The following CREB5 variants were observed in gnomAD, a reference collection of about 807,000 sequenced individuals.
CREB5 encodes the protein cAMP responsive element binding protein 5, also known as cyclic AMP-responsive element-binding protein 5.
Under a neutral mutation model 57.1 loss-of-function variants are expected in CREB5, and 19 were observed. The observed-to-expected ratio is 0.33, with a 90% confidence interval of 0.23 to 0.49. CREB5 has a LOEUF of 0.49. Ranked by LOEUF, CREB5 falls within the 20% of genes least tolerant of loss-of-function variation. The pLI, the probability that CREB5 is intolerant of heterozygous loss-of-function variation, is 0.99. For missense variants in CREB5, 579 were observed against 671.6 expected, an observed-to-expected ratio of 0.86 and a Z score of 1.52; for synonymous variants, 238 against 238.3, an observed-to-expected ratio of 1.00 and a Z score of 0.01.
chr7:28,626,867 C>A (rs1798013656), intron 5 of CREB5, among the ~76,000 whole-genome samples: 1 of 152,110 alleles, frequency 6.6e-6, no homozygotes, highest in Admixed American at 6.5e-5. Context: ...GGGAAAGGGG[C>A]CCCAGGACGG....
At chr7:28,370,276 C>G (rs1203113676) in intron 1 of CREB5, among the ~76,000 whole-genome samples, 2 of 152,210 alleles carry the variant, frequency 1.3e-5, no homozygotes, top group African/African-American at 4.8e-5. Flanking sequence ...GCCTCTACCA[C>G]TCACTGCTGA....
At chr7:28,464,515 G>A (rs1790479294) in intron 1 of CREB5, among the ~76,000 whole-genome samples, 1 of 151,484 alleles carries the variant, frequency 6.6e-6, no homozygotes, top group Non-Finnish European at 1.5e-5. Flanking sequence ...GTGTGTGTGT[G>A]TGTGTGTGTG....
intron 4 of CREB5, among the ~76,000 whole-genome samples, chr7:28,563,888 C>T (rs1467701759): frequency 1.3e-5 from 2 of 152,030 alleles, no homozygotes; most frequent in Non-Finnish European, 2.9e-5. Flanking sequence ...TCCCTGGTGC[C>T]CTCCTCTACT....
chr7:28,553,587 C>T (rs368335216), intron 4 of CREB5, among the ~76,000 whole-genome samples: 52 of 152,278 alleles, frequency 3.4e-4, no homozygotes, highest in African/African-American at 1.2e-3. Context: ...AGAGGCAGTC[C>T]TGTTTTCCTG....
intron 1 of CREB5, among the ~76,000 whole-genome samples, chr7:28,363,299 A>G (rs1205063272): frequency 2.0e-5 from 3 of 152,222 alleles, no homozygotes; most frequent in African/African-American, 7.2e-5. Flanking sequence ...AGGCAAGCAC[A>G]TAATTTTCCT....
At chr7:28,764,294 T>C (rs28531809) in intron 7 of CREB5, among the ~76,000 whole-genome samples, 64,606 of 151,318 alleles carry the variant, frequency 0.43, 14,280 homozygotes, top group East Asian at 0.77. Flanking sequence ...ATTAACATTA[T>C]AACAAGTTAT....
At chr7:28,511,152 G>A (rs981141949) in intron 4 of CREB5, among the ~76,000 whole-genome samples, 5 of 151,946 alleles carry the variant, frequency 3.3e-5, no homozygotes, top group Non-Finnish European at 7.4e-5. Context: ...GTCAGATGGT[G>A]ATAAGTGTGA....
chr7:28,680,853 T>G (rs1800554090), intron 5 of CREB5, among the ~76,000 whole-genome samples: 1 of 152,134 alleles, frequency 6.6e-6, no homozygotes, highest in Non-Finnish European at 1.5e-5. Flanking sequence ...TCATAGAGAT[T>G]GGTTAGAACT....
intron 1 of CREB5, among the ~76,000 whole-genome samples, chr7:28,361,939 T>C (rs1253840252): frequency 6.6e-6 from 1 of 152,230 alleles, no homozygotes; most frequent in Admixed American, 6.5e-5. Flanking sequence ...AAGTTCTTTA[T>C]TGAAGTAAAA....
intron 1 of CREB5, among the ~76,000 whole-genome samples, chr7:28,451,979 G>A (rs1789839888): frequency 6.6e-6 from 1 of 152,132 alleles, no homozygotes; most frequent in South Asian, 2.1e-4. Flanking sequence ...ACTCTGCATG[G>A]TACTAACTTT....
At chr7:28,808,712 C>CTTTTTTTTTTT (rs59374546) in intron 8 of CREB5, among the ~76,000 whole-genome samples, 4 of 83,172 alleles carry the variant, frequency 4.8e-5, no homozygotes, top group African/African-American at 1.1e-4. Context: ...CCAATTTTTC[C>CTTTTTTTTTTT]TTTTTTTTTT....
At chr7:28,430,689 A>G (rs1224328121) in intron 1 of CREB5, among the ~76,000 whole-genome samples, 2 of 152,204 alleles carry the variant, frequency 1.3e-5, no homozygotes, top group Non-Finnish European at 2.9e-5. Flanking sequence ...CAACAACAAC[A>G]AAAATGTCAA....
chr7:28,576,554 C>T, intron 5 of CREB5, among the ~76,000 whole-genome samples: 1 of 152,226 alleles, frequency 6.6e-6, no homozygotes, highest in East Asian at 1.9e-4. Flanking sequence ...CAGGAGTTAG[C>T]TAATGCTCAG....
chr7:28,410,964 C>G (rs1451626931), upstream of CREB5, among the ~76,000 whole-genome samples: 1 of 152,128 alleles, frequency 6.6e-6, no homozygotes, highest in African/African-American at 2.4e-5. Context: ...CGTTATCACT[C>G]TAGCCCCGCC....
chr7:28,544,687 G>A (rs1026492842), intron 4 of CREB5, among the ~76,000 whole-genome samples: 4 of 152,104 alleles, frequency 2.6e-5, no homozygotes, highest in African/African-American at 4.8e-5. Context: ...GCCCAGGCTC[G>A]CCTCTGCACA....
chr7:28,637,390 G>T (rs1360908721), intron 5 of CREB5, among the ~76,000 whole-genome samples: 1 of 152,108 alleles, frequency 6.6e-6, no homozygotes, highest in Non-Finnish European at 1.5e-5. Flanking sequence ...ATAAAAGTTT[G>T]CTCTCAAAAT....
chr7:28,816,936 C>T (rs1043228996), intron 9 of CREB5, among the ~76,000 whole-genome samples: 4 of 152,156 alleles, frequency 2.6e-5, no homozygotes, highest in African/African-American at 4.8e-5. Context: ...GCTACATTTA[C>T]GTTCACTTTT....
chr7:28,480,234 G>A (rs1433072355), intron 1 of CREB5, among the ~76,000 whole-genome samples: 1 of 152,120 alleles, frequency 6.6e-6, no homozygotes, highest in East Asian at 1.9e-4. Flanking sequence ...ATTCTAAAGA[G>A]GCAAATTTTA....
rs553987192 is a variant in CREB5, at chr7:28,817,025, A to G, written c.1255-1046A>G. ...CAATGGGTGCCAAGTTCATTATTCT[A>G]CAAAGCTATGAGCATGCCTTTGTGA... On this transcript the variant is annotated intron_variant, in intron 9 of 10. Transcript: ENST00000357727. 2.0e-5 allele frequency among the ~76,000 whole-genome samples: 3 copies of G among 152,350 alleles called. No homozygotes were observed. The East Asian group carries it at 5.8e-4, about 29-fold the overall frequency.
Sources: gnomAD v4.1 joint callset for allele counts (sites outside exome capture counted in the v4.1 genomes callset) on GRCh38, gnomAD v4.1.1 for gene constraint, MANE v1.5 for transcripts, NCBI Gene and HGNC (gene_info 2026-07-23, HGNC 2026-07-21) for gene names.